UBE2E2: variants seen among roughly 807,000 people sequenced by gnomAD.
The protein encoded by UBE2E2 is ubiquitin conjugating enzyme E2 E2.
In UBE2E2, 6 loss-of-function variants were observed where a neutral mutation model predicts 24.7. The ratio of observed to expected loss-of-function variants is 0.24; its 90% CI spans 0.13 to 0.48. The LOEUF (loss-of-function observed/expected upper bound fraction) is 0.48, where lower values mean the gene tolerates loss of function less well. Among genes scored for constraint, UBE2E2 ranks in the 20% least tolerant of loss-of-function variants. The pLI, the probability that UBE2E2 is intolerant of heterozygous loss-of-function variation, is 0.99. For missense variants in UBE2E2, 169 were observed against 245.0 expected (o/e 0.69, Z 2.07); for synonymous variants, 104 against 83.6 (o/e 1.24, Z -1.33).
At chr3:23,485,821 G>A (rs1265541257) in intron 3 of UBE2E2, among the ~76,000 whole-genome samples, 3 of 152,170 alleles carry the variant, frequency 2.0e-5, no homozygotes, top group Non-Finnish European at 4.4e-5. Context: ...ACATTAGCAT[G>A]CAAGATGTCA....
intron 3 of UBE2E2, among the ~76,000 whole-genome samples, chr3:23,262,094 C>T (rs897278389): frequency 2.0e-5 from 3 of 152,178 alleles, no homozygotes; most frequent in African/African-American, 4.8e-5. Flanking sequence ...ACAAGAATTG[C>T]ACAGGGCACC....
chr3:23,301,338 C>A (rs1404394030), intron 3 of UBE2E2, among the ~76,000 whole-genome samples: 1 of 152,160 alleles, frequency 6.6e-6, no homozygotes, highest in Non-Finnish European at 1.5e-5. Context: ...GAGCTGCGTT[C>A]CTTTGGAGGA....
chr3:23,333,527 A>G (rs968284261), intron 3 of UBE2E2, among the ~76,000 whole-genome samples: 1 of 152,252 alleles, frequency 6.6e-6, no homozygotes, highest in Admixed American at 6.5e-5. Context: ...TTTCTGCCAC[A>G]AAATTGCCTG....
At chr3:23,510,890 A>G (rs1272762937) in intron 4 of UBE2E2, among the ~76,000 whole-genome samples, 2 of 152,208 alleles carry the variant, frequency 1.3e-5, no homozygotes, top group Admixed American at 6.5e-5. Flanking sequence ...ATGGAGACAG[A>G]AAGAACAATT....
At chr3:23,428,118 T>C (rs1327499305) in intron 3 of UBE2E2, among the ~76,000 whole-genome samples, 1 of 152,206 alleles carries the variant, frequency 6.6e-6, no homozygotes, top group African/African-American at 2.4e-5. Flanking sequence ...ACAAAGCACA[T>C]TCTTCTTAAG....
chr3:23,347,381 G>C (rs1308617906), intron 3 of UBE2E2, among the ~76,000 whole-genome samples: 1 of 152,148 alleles, frequency 6.6e-6, no homozygotes, highest in African/African-American at 2.4e-5. Flanking sequence ...CCATAAAAAA[G>C]GATGAGTTCA....
At chr3:23,356,625 G>C (rs73823460) in intron 3 of UBE2E2, among the ~76,000 whole-genome samples, 1 of 152,154 alleles carries the variant, frequency 6.6e-6, no homozygotes, top group South Asian at 2.1e-4. Context: ...AAAAAAGTTT[G>C]CTCCTCATCA....
At chr3:23,494,283 G>GA (rs568784368) in intron 3 of UBE2E2, among the ~76,000 whole-genome samples, 129 of 151,882 alleles carry the variant, frequency 8.5e-4, no homozygotes, top group Middle Eastern at 3.4e-3. Context: ...CAGACTAAAG[G>GA]AAAAAAATAA....
intron 2 of UBE2E2, among the ~76,000 whole-genome samples, chr3:23,213,749 T>C (rs958135784): frequency 7.2e-5 from 11 of 152,174 alleles, no homozygotes; most frequent in African/African-American, 2.7e-4. Flanking sequence ...CGTAAAATAA[T>C]TAGCCTTAGT....
chr3:23,261,015 A>T (rs1471164112), intron 3 of UBE2E2, among the ~76,000 whole-genome samples: 1 of 152,066 alleles, frequency 6.6e-6, no homozygotes, highest in Non-Finnish European at 1.5e-5. Context: ...ATGTGGGAGG[A>T]TCTCTTGAGC....
chr3:23,521,081 TTAAAA>T (rs1292928191), intron 4 of UBE2E2, among the ~76,000 whole-genome samples: 4 of 152,244 alleles, frequency 2.6e-5, no homozygotes, highest in African/African-American at 7.2e-5. Flanking sequence ...TATTGATCTC[TTAAAA>T]TAAATAACTG....
chr3:23,237,337 T>C (rs1421072060), intron 3 of UBE2E2, among the ~76,000 whole-genome samples: 2 of 152,220 alleles, frequency 1.3e-5, no homozygotes, highest in African/African-American at 4.8e-5. Context: ...TAGACAAATA[T>C]TTTTATGTAG....
chr3:23,259,764 A>C (rs1697847311), intron 3 of UBE2E2, among the ~76,000 whole-genome samples: 1 of 152,196 alleles, frequency 6.6e-6, no homozygotes, highest in South Asian at 2.1e-4. Context: ...GAAAAACTTC[A>C]GTGTAAGATT....
chr3:23,252,074 A>G (rs1353963304), intron 3 of UBE2E2, among the ~76,000 whole-genome samples: 3 of 152,152 alleles, frequency 2.0e-5, no homozygotes, highest in Non-Finnish European at 2.9e-5. Context: ...CTAATTGACT[A>G]TTTCTCTGCA....
chr3:23,517,657 C>T (rs1257346214), intron 4 of UBE2E2, among the ~76,000 whole-genome samples: 1 of 152,074 alleles, frequency 6.6e-6, no homozygotes, highest in East Asian at 1.9e-4. Flanking sequence ...TGTAAATAAA[C>T]ATTTTTGCTA....
chr3:23,314,164 T>G (rs1694503558), intron 3 of UBE2E2, among the ~76,000 whole-genome samples: 2 of 152,242 alleles, frequency 1.3e-5, no homozygotes, highest in Admixed American at 1.3e-4. Flanking sequence ...GGTATTACTT[T>G]GTCACCCAGG....
chr3:23,315,766 G>A (rs983383425), intron 3 of UBE2E2, among the ~76,000 whole-genome samples: 1 of 152,102 alleles, frequency 6.6e-6, no homozygotes, highest in Admixed American at 6.5e-5. Flanking sequence ...AGGCTTTCCA[G>A]GTATTTGTTG....
At chr3:23,293,060 C>T (rs1285861340) in intron 3 of UBE2E2, among the ~76,000 whole-genome samples, 1 of 152,124 alleles carries the variant, frequency 6.6e-6, no homozygotes, top group African/African-American at 2.4e-5. Flanking sequence ...GCAACAAGAG[C>T]GAAACTCCGT....
chr3:23,249,271 CAAA>C (rs58820253), intron 3 of UBE2E2, among the ~76,000 whole-genome samples: 2 of 137,624 alleles, frequency 1.5e-5, no homozygotes, highest in Non-Finnish European at 1.6e-5. Context: ...GACCCTGTCT[CAAA>C]AAAAAAAAAA....
Sources: gnomAD v4.1 joint callset for allele counts (sites outside exome capture counted in the v4.1 genomes callset) on GRCh38, gnomAD v4.1.1 for gene constraint, MANE v1.5 for transcripts, NCBI Gene and HGNC (gene_info 2026-07-23, HGNC 2026-07-21) for gene names.